LINGO2: variants seen among roughly 807,000 people sequenced by gnomAD.
The protein encoded by LINGO2 is leucine-rich repeat and immunoglobulin-like domain-containing nogo receptor-interacting protein 2.
In LINGO2, 14 loss-of-function variants were observed where a neutral mutation model predicts 30.6. That is an observed-to-expected ratio of 0.46 (90% CI 0.30 to 0.72). The LOEUF (loss-of-function observed/expected upper bound fraction) is 0.72, where lower values mean the gene tolerates loss of function less well. LINGO2 is among the 30% of genes least tolerant of loss of function. LINGO2 has a pLI of 0.07. For missense variants in LINGO2, 729 were observed against 751.7 expected (o/e 0.97, Z 0.35); for synonymous variants, 317 against 288.5 (o/e 1.10, Z -1.00).
chr9:28,556,261 C>G (rs1822683719), intron 1 of LINGO2, among the ~76,000 whole-genome samples: 1 of 151,984 alleles, frequency 6.6e-6, no homozygotes, highest in South Asian at 2.1e-4. Context: ...AGTCTCAGCC[C>G]AAAATCTCCT....
At chr9:28,032,968 TTC>T (rs113725414) in intron 4 of LINGO2, among the ~76,000 whole-genome samples, 3,063 of 152,318 alleles carry the variant, frequency 0.02, 94 homozygotes, top group African/African-American at 0.069. Context: ...GCTTCATTCT[TTC>T]TCTGATAATT....
intron 5 of LINGO2, among the ~76,000 whole-genome samples, chr9:27,979,720 C>A (rs1283801312): frequency 1.3e-5 from 2 of 151,922 alleles, no homozygotes; most frequent in African/African-American, 4.8e-5. Flanking sequence ...TTTGGAAGAG[C>A]ATTCCACTGG....
At chr9:28,863,194 T>G in the LINGO2 span, among the ~76,000 whole-genome samples, 1 of 152,110 alleles carries the variant, frequency 6.6e-6, no homozygotes, top group Non-Finnish European at 1.5e-5. Context: ...CAATGATGTC[T>G]TCAAGCCCCT....
the LINGO2 span, among the ~76,000 whole-genome samples, chr9:29,075,935 G>A: frequency 3.3e-5 from 5 of 151,884 alleles, no homozygotes; most frequent in Non-Finnish European, 7.4e-5. Flanking sequence ...CAATCATGCC[G>A]GAATGCAATG....
At chr9:28,852,505 G>T in the LINGO2 span, among the ~76,000 whole-genome samples, 2 of 151,896 alleles carry the variant, frequency 1.3e-5, no homozygotes, top group Non-Finnish European at 2.9e-5. Context: ...TACAAATACG[G>T]TTCTATGCAT....
At chr9:28,350,676 C>T (rs1819832658) in intron 3 of LINGO2, among the ~76,000 whole-genome samples, 1 of 151,838 alleles carries the variant, frequency 6.6e-6, no homozygotes, top group Admixed American at 6.6e-5. Flanking sequence ...GACTCTCCAC[C>T]CCAAATCAAC....
At chr9:28,017,774 C>T (rs1190121761) in intron 4 of LINGO2, among the ~76,000 whole-genome samples, 1 of 152,104 alleles carries the variant, frequency 6.6e-6, no homozygotes, top group Non-Finnish European at 1.5e-5. Context: ...GTAATAATGG[C>T]CATGCTGCCC....
intron 4 of LINGO2, among the ~76,000 whole-genome samples, chr9:28,190,328 A>C (rs937171132): frequency 6.6e-6 from 1 of 152,176 alleles, no homozygotes; most frequent in Non-Finnish European, 1.5e-5. Flanking sequence ...CTACCTCTCC[A>C]GTATGCTAAA....
At chr9:28,865,774 GC>G in the LINGO2 span, among the ~76,000 whole-genome samples, 775 of 152,114 alleles carry the variant, frequency 5.1e-3, 8 homozygotes, top group African/African-American at 0.018. Flanking sequence ...ACAGGGAGAG[GC>G]TCTGTCTCAA....
intron 4 of LINGO2, among the ~76,000 whole-genome samples, chr9:28,189,717 A>AAGGGAGGG (rs1819745355): frequency 7.9e-6 from 1 of 126,912 alleles, no homozygotes; most frequent in African/African-American, 3.5e-5. Context: ...GGAAGGAAGG[A>AAGGGAGGG]AGGAAGGTTG....
the LINGO2 span, chr9:27,937,811 T>C: frequency 6.6e-6 from 1 of 151,836 alleles, no homozygotes; most frequent in East Asian, 1.9e-4. Context: ...AATACGGCAA[T>C]TAAAAATGGC....
chr9:28,563,687 C>A (rs146345456), intron 1 of LINGO2, among the ~76,000 whole-genome samples: 1 of 152,236 alleles, frequency 6.6e-6, no homozygotes, highest in Non-Finnish European at 1.5e-5. Context: ...CTTAAGATCG[C>A]TCAGATTCCC....
At chr9:28,097,542 G>A (rs1431652902) in intron 4 of LINGO2, among the ~76,000 whole-genome samples, 2 of 144,028 alleles carry the variant, frequency 1.4e-5, no homozygotes, top group Admixed American at 7.0e-5. Flanking sequence ...GTAGGGACAT[G>A]GATGAAATTG....
At chr9:28,407,884 C>T (rs1475214380) in intron 2 of LINGO2, among the ~76,000 whole-genome samples, 1 of 151,972 alleles carries the variant, frequency 6.6e-6, no homozygotes, top group Non-Finnish European at 1.5e-5. Context: ...TCTTTGTTGG[C>T]CAAAGCATTC....
At chr9:28,270,256 T>G (rs575569185) in intron 4 of LINGO2, among the ~76,000 whole-genome samples, 2 of 152,110 alleles carry the variant, frequency 1.3e-5, no homozygotes, top group East Asian at 1.9e-4. Flanking sequence ...TGTGGGGTGA[T>G]AGAAATATGG....
chr9:28,885,384 TACACATAC>T, the LINGO2 span, among the ~76,000 whole-genome samples: 6 of 145,432 alleles, frequency 4.1e-5, no homozygotes, highest in African/African-American at 1.0e-4. Context: ...CATATATATA[TACACATAC>T]ATACATACAT....
intron 1 of LINGO2, among the ~76,000 whole-genome samples, chr9:28,622,605 C>A (rs972146551): frequency 6.6e-6 from 1 of 152,048 alleles, no homozygotes; most frequent in African/African-American, 2.4e-5. Flanking sequence ...TGTTGATGGA[C>A]ACTTAGGTTG....
the LINGO2 span, among the ~76,000 whole-genome samples, chr9:28,868,158 T>TTA: frequency 2.6e-5 from 4 of 152,102 alleles, no homozygotes; most frequent in African/African-American, 9.7e-5. Context: ...TGCTTACACT[T>TTA]AATAAAGTCT....
At chr9:29,211,830 C>T in the LINGO2 span, among the ~76,000 whole-genome samples, 36 of 152,192 alleles carry the variant, frequency 2.4e-4, no homozygotes, top group Middle Eastern at 3.4e-3. Flanking sequence ...AGCAGCCTGG[C>T]CCAGACCAAC....
Sources: gnomAD v4.1 joint callset for allele counts (sites outside exome capture counted in the v4.1 genomes callset) on GRCh38, gnomAD v4.1.1 for gene constraint, MANE v1.5 for transcripts, NCBI Gene and HGNC (gene_info 2026-07-23, HGNC 2026-07-21) for gene names.